Variants in SPIN1 observed in about 807,000 individuals in gnomAD.
SPIN1 encodes the protein spindlin-1.
SPIN1 carries 3 observed loss-of-function variants against 26.0 expected under a neutral mutation model. The observed-to-expected ratio is 0.12, with a 90% CI of 0.05 to 0.30. The LOEUF is 0.30. Ranked by LOEUF, SPIN1 falls within the 10% of genes least tolerant of loss-of-function variation. The pLI is 1.00. For missense variants in SPIN1, 126 were observed against 333.4 expected, an observed-to-expected ratio of 0.38 and a Z score of 4.84; for synonymous variants, 101 against 116.5, an observed-to-expected ratio of 0.87 and a Z score of 0.86.
intron 2 of SPIN1, among the ~76,000 whole-genome samples, chr9:88,427,180 C>G (rs1016134838): frequency 2.6e-5 from 4 of 152,084 alleles, no homozygotes; most frequent in Non-Finnish European, 4.4e-5. Flanking sequence ...GAAAAGCATT[C>G]TTCTCCATTT....
intron 3 of SPIN1, among the ~76,000 whole-genome samples, chr9:88,451,493 A>T (rs536143040): frequency 6.6e-6 from 1 of 152,166 alleles, no homozygotes; most frequent in African/African-American, 2.4e-5. Flanking sequence ...AAACTGGTGG[A>T]TACACCTTTC....
intron 1 of SPIN1, chr9:88,415,669 A>C (rs550922288): frequency 6.6e-6 from 1 of 152,110 alleles, no homozygotes; most frequent in Non-Finnish European, 1.5e-5. Context: ...TGATCTTCCT[A>C]CCTTGGTCTT....
chr9:88,468,953 C>T (rs935372302), intron 5 of SPIN1, among the ~76,000 whole-genome samples: 3 of 152,270 alleles, frequency 2.0e-5, no homozygotes, highest in Admixed American at 1.3e-4. Flanking sequence ...GTTATCTCAT[C>T]GCCTGTCTAG....
chr9:88,417,625 A>T (rs756998880), intron 1 of SPIN1, among the ~76,000 whole-genome samples: 4 of 152,150 alleles, frequency 2.6e-5, no homozygotes, highest in African/African-American at 9.6e-5. Context: ...GGCACGTGCC[A>T]CCATGCCCAG....
chr9:88,465,618 C>A (rs535249347), intron 4 of SPIN1, among the ~76,000 whole-genome samples: 2 of 152,106 alleles, frequency 1.3e-5, no homozygotes, highest in African/African-American at 4.8e-5. Flanking sequence ...CTACTCACAT[C>A]CTTTGACCAT....
chr9:88,468,383 A>G lies in SPIN1; in HGVS notation c.367A>G (p.Ile123Val), dbSNP rs1379087842. ...VLPDRVATSR[I>V]SDAHLADTMI... is the part of the protein sequence containing the mutation. ...TTTTTAATCCCCAGCGACATCTCGA[A>G]TCAGCGATGCACACTTGGCAGACAC... The change falls in exon 5 of 6, where the codon ATC (isoleucine) becomes GTC (valine). Residue 123 changes from isoleucine (I) to valine (V), a missense_variant. Ile to Val is a conservative substitution (Grantham distance 29, BLOSUM62 3). Coordinates refer to ENST00000375859, the MANE Select transcript of SPIN1 (RefSeq NM_006717.3). The G allele has an allele frequency of 6.4e-7, 1 of 1,563,478 alleles. No individual in the cohort carries two copies. The highest frequency in any genetic ancestry group is 1.4e-5 in the African/African-American group (1 of 72,162).
chr9:88,410,838 G>T, intron 1 of SPIN1: 1 of 922,780 alleles, frequency 1.1e-6, no homozygotes, highest in Non-Finnish European at 1.8e-6. Flanking sequence ...CATTCCCACT[G>T]AAACCACCTC....
intron 2 of SPIN1, among the ~76,000 whole-genome samples, chr9:88,440,934 A>G (rs1351345343): frequency 6.6e-6 from 1 of 151,412 alleles, no homozygotes; most frequent in African/African-American, 2.4e-5. Flanking sequence ...CTTACAAAAA[A>G]CAAAAAACGC....
chr9:88,390,426 GT>G (rs1826894533), intron 1 of SPIN1, among the ~76,000 whole-genome samples: 1 of 152,168 alleles, frequency 6.6e-6, no homozygotes, highest in African/African-American at 2.4e-5. Context: ...GCTGCCAGAG[GT>G]TTAGGTGGTT....
intron 1 of SPIN1, among the ~76,000 whole-genome samples, chr9:88,408,885 C>T (rs1360236114): frequency 1.3e-5 from 2 of 151,424 alleles, no homozygotes; most frequent in Non-Finnish European, 2.9e-5. Context: ...AGGGTGGTCT[C>T]GATCTCGACC....
intron 1 of SPIN1, among the ~76,000 whole-genome samples, chr9:88,410,289 C>T (rs542346200): frequency 9.7e-4 from 147 of 151,802 alleles, no homozygotes; most frequent in African/African-American, 3.3e-3. Flanking sequence ...ACATTAAAAC[C>T]TTTTGTTGGA....
In SPIN1 at chr9:88,475,451, A is replaced by G; in HGVS notation, c.*174A>G. ...GTACAGATTGATGTGAACACAAAGCATTTTGTGTAAGGAGAACCCCTTTCT... is the reference window on the plus strand; with the variant it reads ...GTACAGATTGATGTGAACACAAAGCGTTTTGTGTAAGGAGAACCCCTTTCT... On this transcript the variant is annotated 3_prime_UTR_variant, in exon 6 of 6. Coordinates refer to ENST00000375859, the MANE Select transcript of SPIN1 (RefSeq NM_006717.3). 1.8e-6 allele frequency: 1 copy of G among 543,434 alleles called. No homozygotes were observed. The highest frequency in any genetic ancestry group is 3.6e-5 in the South Asian group (1 of 27,930). The allele number at this position is 543,434 out of a possible 1,614,324, so 33.7% of individuals were successfully genotyped here.
chr9:88,426,899 A>G (rs1827774605), intron 2 of SPIN1, among the ~76,000 whole-genome samples: 1 of 152,204 alleles, frequency 6.6e-6, no homozygotes, highest in African/African-American at 2.4e-5. Flanking sequence ...GTGAGGTGAC[A>G]TGAGTTGGAT....
chr9:88,461,330 A>G (rs1461388106), intron 3 of SPIN1, among the ~76,000 whole-genome samples: 1 of 152,032 alleles, frequency 6.6e-6, no homozygotes, highest in Non-Finnish European at 1.5e-5. Context: ...TAACCCTGTG[A>G]ATCTCCTCCC....
At chr9:88,404,410 A>G (rs958645706) in intron 1 of SPIN1, among the ~76,000 whole-genome samples, 2 of 152,196 alleles carry the variant, frequency 1.3e-5, no homozygotes, top group Non-Finnish European at 2.9e-5. Flanking sequence ...CAGCGAAGAC[A>G]CTTTTTTCTT....
intron 2 of SPIN1, among the ~76,000 whole-genome samples, chr9:88,429,619 T>C (rs778044201): frequency 1.2e-4 from 18 of 152,314 alleles, no homozygotes; most frequent in Non-Finnish European, 2.1e-4. Context: ...TTGGTGCATC[T>C]ACCCCCCTCC....
chr9:88,417,591 G>C (rs1450110190), intron 1 of SPIN1, among the ~76,000 whole-genome samples: 1 of 152,012 alleles, frequency 6.6e-6, no homozygotes, highest in Admixed American at 6.6e-5. Context: ...TCCTTTCTCA[G>C]CCTCCCCTGT....
chr9:88,429,676 C>CT (rs747162971), intron 2 of SPIN1, among the ~76,000 whole-genome samples: 2 of 152,284 alleles, frequency 1.3e-5, no homozygotes, highest in African/African-American at 4.8e-5. Context: ...CTTCTAAACT[C>CT]TGTCTTTTGT....
intron 1 of SPIN1, among the ~76,000 whole-genome samples, chr9:88,425,700 T>C (rs72755882): frequency 0.094 from 14,339 of 151,846 alleles, 897 homozygotes; most frequent in South Asian, 0.19. Context: ...GATACACTAC[T>C]TCCATAAAAT....
Sources: gnomAD v4.1 joint callset for allele counts (sites outside exome capture counted in the v4.1 genomes callset) on GRCh38, gnomAD v4.1.1 for gene constraint, MANE v1.5 for transcripts, NCBI Gene and HGNC (gene_info 2026-07-23, HGNC 2026-07-21) for gene names.